DNAAF9: variants seen among roughly 807,000 people sequenced by gnomAD.
DNAAF9 encodes shulin.
In DNAAF9, 90 loss-of-function variants were observed where a neutral mutation model predicts 167.0. The observed-to-expected ratio is 0.54, with a 90% CI of 0.45 to 0.64. The LOEUF is 0.64. DNAAF9 is among the 30% of genes least tolerant of loss of function. DNAAF9 has a pLI of 0.00. For missense variants in DNAAF9, 1,315 were observed against 1,442.2 expected, an observed-to-expected ratio of 0.91 and a Z score of 1.43; for synonymous variants, 491 against 508.8, an observed-to-expected ratio of 0.96 and a Z score of 0.47.
intron 33 of DNAAF9, among the ~76,000 whole-genome samples, chr20:3,258,823 C>A (rs564301601): frequency 6.6e-6 from 1 of 152,324 alleles, no homozygotes; most frequent in South Asian, 2.1e-4. Flanking sequence ...CTAACAGACG[C>A]ACTCCCTCTC....
At chr20:3,321,133 G>A (rs969322839) in intron 16 of DNAAF9, among the ~76,000 whole-genome samples, 4 of 152,262 alleles carry the variant, frequency 2.6e-5, no homozygotes, top group South Asian at 2.1e-4. Context: ...GTTGGAAAAC[G>A]TTGCTCTGAC....
intron 1 of DNAAF9, among the ~76,000 whole-genome samples, chr20:3,387,884 T>TAAAAAAAAAAAAAAAA (rs557861791): frequency 3.1e-4 from 27 of 87,366 alleles, no homozygotes; most frequent in East Asian, 8.5e-4. Flanking sequence ...CTACAAAAAG[T>TAAAAAAAAAAAAAAAA]AAAAAAAAAA....
chr20:3,389,508 T>C (rs1296633481), intron 1 of DNAAF9, among the ~76,000 whole-genome samples: 1 of 151,952 alleles, frequency 6.6e-6, no homozygotes, highest in Admixed American at 6.6e-5. Flanking sequence ...GGCTCATGCC[T>C]GTAATTCCAA....
At chr20:3,267,789 C>T (rs918760594) in intron 30 of DNAAF9, among the ~76,000 whole-genome samples, 1 of 151,906 alleles carries the variant, frequency 6.6e-6, no homozygotes, top group African/African-American at 2.4e-5. Flanking sequence ...GAGCTGAGAT[C>T]GTGTCACGGC....
At chr20:3,339,476 G>A (rs2070035499) in intron 10 of DNAAF9, among the ~76,000 whole-genome samples, 1 of 152,148 alleles carries the variant, frequency 6.6e-6, no homozygotes, top group African/African-American at 2.4e-5. Context: ...AGCTGTAGGT[G>A]CCAGGGACTT....
intron 12 of DNAAF9, 77 bp from the exon 13 acceptor site, chr20:3,326,361 A>G (rs2069710719): frequency 1.1e-6 from 1 of 948,190 alleles, no homozygotes; most frequent in Non-Finnish European, 1.7e-6. Context: ...CATAAATGAC[A>G]GCCCCTAAGA....
chr20:3,287,098 G>C (rs1169191430), intron 27 of DNAAF9, among the ~76,000 whole-genome samples: 1 of 152,172 alleles, frequency 6.6e-6, no homozygotes, highest in Non-Finnish European at 1.5e-5. Context: ...TGCTTACAGA[G>C]ACTTCATGAG....
chr20:3,348,346 A>G (rs915172664), intron 8 of DNAAF9, among the ~76,000 whole-genome samples, 179 bp downstream of exon 8: 2 of 152,192 alleles, frequency 1.3e-5, no homozygotes, highest in East Asian at 3.9e-4. Context: ...ACAAAATAAA[A>G]GACAACTTTT....
intron 28 of DNAAF9, 113 bp from the exon 29 acceptor site, chr20:3,279,062 G>T: frequency 1.3e-6 from 1 of 770,710 alleles, no homozygotes; most frequent in Non-Finnish European, 2.3e-6. Context: ...CACATGATGA[G>T]GCAGGTGGCA....
chr20:3,381,257 A>G (rs1006292513), intron 3 of DNAAF9, 122 bp downstream of exon 3: 5 of 789,004 alleles, frequency 6.3e-6, no homozygotes, highest in Non-Finnish European at 9.2e-6. Flanking sequence ...TTTAAAAAGC[A>G]AACGTTTACT....
intron 25 of DNAAF9, 34 bp downstream of exon 25, chr20:3,294,105 G>T: frequency 8.4e-7 from 1 of 1,185,954 alleles, no homozygotes; most frequent in Non-Finnish European, 1.3e-6. Context: ...TCATCTTCCT[G>T]TGAATTCCCA....
intron 6 of DNAAF9, among the ~76,000 whole-genome samples, chr20:3,368,832 T>G (rs2083468597): frequency 6.6e-6 from 1 of 151,776 alleles, no homozygotes; most frequent in South Asian, 2.1e-4. Flanking sequence ...TGGAAGCTTT[T>G]AAAGATATTC....
At chr20:3,362,493 T>A (rs1395220939) in intron 6 of DNAAF9, among the ~76,000 whole-genome samples, 1 of 152,214 alleles carries the variant, frequency 6.6e-6, no homozygotes, top group Non-Finnish European at 1.5e-5. Context: ...GTATAATTTT[T>A]TTTTTACAAA....
chr20:3,257,640 T>A (rs1441337130), intron 33 of DNAAF9, among the ~76,000 whole-genome samples: 1 of 151,954 alleles, frequency 6.6e-6, no homozygotes, highest in Non-Finnish European at 1.5e-5. Flanking sequence ...GCCTCCTGGG[T>A]TCAAGTGATT....
intron 26 of DNAAF9, among the ~76,000 whole-genome samples, chr20:3,289,400 G>A (rs1000709389): frequency 5.3e-5 from 8 of 152,124 alleles, no homozygotes; most frequent in Non-Finnish European, 8.8e-5. Context: ...AACTATGATC[G>A]TGCCACTGTA....
At chr20:3,386,597 GA>G (rs58230057) in intron 1 of DNAAF9, among the ~76,000 whole-genome samples, 4 of 151,796 alleles carry the variant, frequency 2.6e-5, no homozygotes, top group Admixed American at 6.6e-5. Flanking sequence ...GATCCATAGG[GA>G]AAAAAAATGA....
intron 1 of DNAAF9, among the ~76,000 whole-genome samples, chr20:3,402,320 A>G (rs914718347): frequency 1.5e-4 from 23 of 152,120 alleles, no homozygotes; most frequent in Non-Finnish European, 2.8e-4. Flanking sequence ...AAGTATATAT[A>G]CATTGCGGAA....
chr20:3,305,456 T>C (rs1197394649), intron 20 of DNAAF9, among the ~76,000 whole-genome samples: 1 of 152,242 alleles, frequency 6.6e-6, no homozygotes, highest in Non-Finnish European at 1.5e-5. Flanking sequence ...GAGTTTATTG[T>C]CATTAAGACC....
At chr20:3,308,341 C>CTTTTT (rs35610785) in intron 20 of DNAAF9, among the ~76,000 whole-genome samples, 1 of 105,432 alleles carries the variant, frequency 9.5e-6, no homozygotes. Flanking sequence ...CAAAACTTTA[C>CTTTTT]TTTTTTTTTT....
Sources: gnomAD v4.1 joint callset for allele counts (sites outside exome capture counted in the v4.1 genomes callset) on GRCh38, gnomAD v4.1.1 for gene constraint, MANE v1.5 for transcripts, NCBI Gene and HGNC (gene_info 2026-07-23, HGNC 2026-07-21) for gene names.